MARCHF4: variants seen among roughly 807,000 people sequenced by gnomAD.
MARCHF4 encodes the protein membrane associated ring-CH-type finger 4.
MARCHF4 carries 14 observed loss-of-function variants against 43.9 expected under a neutral mutation model. That is an observed-to-expected ratio of 0.32 (90% CI 0.21 to 0.50). The LOEUF is 0.50. Among genes scored for constraint, MARCHF4 ranks in the 20% least tolerant of loss-of-function variants. MARCHF4 has a pLI of 0.98. For synonymous variants in MARCHF4, 226 were observed against 213.3 expected (o/e 1.06, Z -0.52); for missense variants, 468 against 536.7 (o/e 0.87, Z 1.27).
At chr2:216,318,768 C>T (rs1691826178) in intron 1 of MARCHF4, among the ~76,000 whole-genome samples, 1 of 152,100 alleles carries the variant, frequency 6.6e-6, no homozygotes. Context: ...GGTTAACACA[C>T]AGAAAGCGCT....
At chr2:216,266,941 A>C (rs1225584032) in intron 3 of MARCHF4, among the ~76,000 whole-genome samples, 1 of 152,248 alleles carries the variant, frequency 6.6e-6, no homozygotes, top group Non-Finnish European at 1.5e-5. Context: ...CTTATTATAA[A>C]GTTACCATAA....
intron 1 of MARCHF4, among the ~76,000 whole-genome samples, chr2:216,362,055 A>T (rs1260189147): frequency 2.0e-5 from 3 of 152,192 alleles, no homozygotes; most frequent in African/African-American, 7.2e-5. Context: ...AAGGGCCCCA[A>T]ATGGGAATGA....
chr2:216,344,866 C>G (rs544529655), intron 1 of MARCHF4, among the ~76,000 whole-genome samples: 36 of 151,892 alleles, frequency 2.4e-4, no homozygotes, highest in African/African-American at 8.7e-4. Context: ...CTGGAATGAG[C>G]TGGGACAAAG....
chr2:216,316,181 C>T (rs1347218287), intron 1 of MARCHF4, among the ~76,000 whole-genome samples: 1 of 152,232 alleles, frequency 6.6e-6, no homozygotes, highest in Non-Finnish European at 1.5e-5. Context: ...CGACACTGCG[C>T]CTCCGGAATA....
chr2:216,316,459 G>A (rs1219974232), intron 1 of MARCHF4, among the ~76,000 whole-genome samples: 1 of 152,160 alleles, frequency 6.6e-6, no homozygotes, highest in Non-Finnish European at 1.5e-5. Flanking sequence ...TTCAAGGAAA[G>A]AGATGAAAGG....
Position 216,370,184 on chromosome 2 carries a change from G to T in MARCHF4, c.77C>A (p.Ala26Asp). Residue 26 changes from alanine (A) to aspartate (D), a missense_variant, in exon 1 of 4, where the codon GCC (alanine) becomes GAC (aspartate). Physicochemically the swap from Ala to Asp is moderately radical, Grantham distance 126 (BLOSUM62 -2). This residue lies in a region of MARCHF4 where 190 missense variants were observed against 158.5 expected (regional missense o/e 1.20). Coordinates refer to ENST00000273067, the MANE Select transcript of MARCHF4 (RefSeq NM_020814.3). Reference protein sequence around the residue: ...CSGWYCYGLCAPAPQMLRHQG... With the variant: ...CSGWYCYGLCDPAPQMLRHQG... ...GTGGCGCAACATCTGGGGGGCTGGG[G>T]CACACAATCCATAGCAGTACCAGCC... The T allele has an allele frequency of 6.2e-7, 1 of 1,612,666 alleles. No homozygotes were observed.
At chr2:216,350,890 G>C (rs1309630947) in intron 1 of MARCHF4, among the ~76,000 whole-genome samples, 1 of 152,100 alleles carries the variant, frequency 6.6e-6, no homozygotes, top group Non-Finnish European at 1.5e-5. Flanking sequence ...GCACATCACA[G>C]GTACTTGAAA....
At chr2:216,348,443 A>C (rs1692354191) in intron 1 of MARCHF4, among the ~76,000 whole-genome samples, 1 of 152,216 alleles carries the variant, frequency 6.6e-6, no homozygotes, top group South Asian at 2.1e-4. Flanking sequence ...GCTGGCCAAA[A>C]CCCACCAAAA....
chr2:216,321,246 C>T (rs548142851), intron 1 of MARCHF4, among the ~76,000 whole-genome samples: 2 of 152,066 alleles, frequency 1.3e-5, no homozygotes, highest in Admixed American at 1.3e-4. Flanking sequence ...AATTAGATAC[C>T]GACTATGTGC....
rs372962732 is a variant in MARCHF4 at position 216,311,400 on chromosome 2, G to A, written c.517-27671C>T. Among the ~76,000 whole-genome samples the A allele has an allele frequency of 1.6e-4, 24 of 152,260 alleles. No individual in the cohort carries two copies. In the East Asian group the frequency reaches 3.5e-3, roughly 22 times the overall value. ...ATCCTCCTGAGTAGCTGGGATTACA[G>A]TCATGCGTCACCACACCTGGTTAAT... On this transcript the variant is annotated intron_variant, in intron 1 of 3. Transcript: ENST00000273067.
chr2:216,294,244 G>A (rs1691356501), intron 1 of MARCHF4, among the ~76,000 whole-genome samples: 1 of 152,244 alleles, frequency 6.6e-6, no homozygotes. Flanking sequence ...AAATACTCTT[G>A]CCTCTTACGA....
chr2:216,316,774 C>A (rs1172971406), intron 1 of MARCHF4, among the ~76,000 whole-genome samples: 1 of 152,010 alleles, frequency 6.6e-6, no homozygotes, highest in African/African-American at 2.4e-5. Context: ...AGGTGTTGTC[C>A]AGAAATCTGC....
At chr2:216,294,238 A>C (rs1331772578) in intron 1 of MARCHF4, among the ~76,000 whole-genome samples, 1 of 152,170 alleles carries the variant, frequency 6.6e-6, no homozygotes, top group Non-Finnish European at 1.5e-5. Flanking sequence ...AGTGGCAAAT[A>C]CTCTTGCCTC....
At chr2:216,321,611 C>T (rs937565467) in intron 1 of MARCHF4, 2 of 152,088 alleles carry the variant, frequency 1.3e-5, no homozygotes, top group African/African-American at 4.8e-5. Context: ...TGGAGATGGG[C>T]AATACAGGCA....
chr2:216,296,041 G>A (rs1293571630), intron 1 of MARCHF4, among the ~76,000 whole-genome samples: 2 of 152,230 alleles, frequency 1.3e-5, no homozygotes, highest in South Asian at 2.1e-4. Flanking sequence ...AGCTACTAGG[G>A]GGGTTGAGGC....
At chr2:216,292,465 G>A (rs1446209477) in intron 1 of MARCHF4, among the ~76,000 whole-genome samples, 1 of 152,220 alleles carries the variant, frequency 6.6e-6, no homozygotes, top group Non-Finnish European at 1.5e-5. Context: ...GGGTATAGGA[G>A]CAGAAAAATT....
intron 2 of MARCHF4, among the ~76,000 whole-genome samples, chr2:216,281,973 G>A (rs1364794696): frequency 6.6e-6 from 1 of 152,140 alleles, no homozygotes; most frequent in African/African-American, 2.4e-5. Context: ...TGGAGCCAAG[G>A]AAGGGTACTT....
chr2:216,362,905 T>C lies in MARCHF4; in HGVS notation c.516+6840A>G, dbSNP rs369993786. The stretch of plus-strand genomic sequence containing the variant: ...ATGCAGCTTGGGCCATACAGTATTT[T>C]CTTGCCAGCTCCTTTACATCCAGGC... On this transcript the variant is annotated intron_variant, in intron 1 of 3. Transcript: ENST00000273067. Among the ~76,000 whole-genome samples, 8 of 152,262 alleles carry C rather than the reference T, an allele frequency of 5.3e-5. No homozygotes were observed. In the East Asian group the frequency reaches 1.4e-3, roughly 26 times the overall value.
rs187113773 is a variant in MARCHF4, at chr2:216,356,747, G to T, written c.516+12998C>A. On this transcript the variant is annotated intron_variant, in intron 1 of 3. Transcript: ENST00000273067. The stretch of plus-strand genomic sequence containing the variant: ...TTTAAAAATTATAAAAATAGGCCGG[G>T]CGTAGTGGCTCACTTCTGTAATCCC... 7.2e-5 allele frequency among the ~76,000 whole-genome samples: 11 copies of T among 152,196 alleles called. No homozygotes were observed. The East Asian group carries it at 2.1e-3, about 29-fold the overall frequency.
Sources: gnomAD v4.1 joint callset for allele counts (sites outside exome capture counted in the v4.1 genomes callset) on GRCh38, gnomAD v4.1.1 for gene constraint, gnomAD v4.1.1 regional missense constraint, MANE v1.5 for transcripts, NCBI Gene and HGNC (gene_info 2026-07-23, HGNC 2026-07-21) for gene names.